Variants in NCOA3 observed in about 807,000 individuals in gnomAD.
NCOA3 encodes the protein nuclear receptor coactivator 3.
In NCOA3, 51 loss-of-function variants were observed where a neutral mutation model predicts 158.8. The observed-to-expected ratio is 0.32, with a 90% CI of 0.26 to 0.41. The LOEUF (loss-of-function observed/expected upper bound fraction) is 0.41. Ranked by LOEUF, NCOA3 falls within the 10% of genes least tolerant of loss-of-function variation. NCOA3 has a pLI of 1.00. For synonymous variants in NCOA3, 537 were observed against 592.4 expected (o/e 0.91, Z 1.36); for missense variants, 1,510 against 1,746.6 (o/e 0.86, Z 2.41).
At chr20:47,515,906 A>C (rs2146067946) in intron 1 of NCOA3, among the ~76,000 whole-genome samples, 1 of 152,322 alleles carries the variant, frequency 6.6e-6, no homozygotes, top group East Asian at 1.9e-4. Flanking sequence ...AGAAAACTTT[A>C]AGTTTTCACT....
chr20:47,521,451 T>A (rs1275064524), intron 1 of NCOA3, among the ~76,000 whole-genome samples: 1 of 152,176 alleles, frequency 6.6e-6, no homozygotes, highest in Non-Finnish European at 1.5e-5. Context: ...GAAGGGGTTC[T>A]TATTCCTGAC....
intron 2 of NCOA3, among the ~76,000 whole-genome samples, chr20:47,584,798 A>G (rs1466278630): frequency 2.6e-5 from 4 of 152,320 alleles, no homozygotes; most frequent in Admixed American, 2.6e-4. Flanking sequence ...TGCGTATAAC[A>G]GAACAAATGC....
intron 1 of NCOA3, among the ~76,000 whole-genome samples, chr20:47,564,821 A>G (rs2085166555): frequency 6.6e-6 from 1 of 151,572 alleles, no homozygotes; most frequent in Non-Finnish European, 1.5e-5. Context: ...TGAATTGCCT[A>G]CTCTGGTTCT....
At chr20:47,513,538 C>A (rs930199918) in intron 1 of NCOA3, among the ~76,000 whole-genome samples, 4 of 151,944 alleles carry the variant, frequency 2.6e-5, no homozygotes, top group Non-Finnish European at 4.4e-5. Flanking sequence ...CCAGCCTGGC[C>A]AACATGGCAA....
chr20:47,626,581 G>A (rs183234841), intron 5 of NCOA3, among the ~76,000 whole-genome samples: 14 of 149,524 alleles, frequency 9.4e-5, no homozygotes, highest in Non-Finnish European at 1.6e-4. Context: ...CAGTAATTAA[G>A]TCAGCAGTAG....
At chr20:47,596,731 G>A (rs1420720860) in intron 2 of NCOA3, among the ~76,000 whole-genome samples, 1 of 151,924 alleles carries the variant, frequency 6.6e-6, no homozygotes, top group Non-Finnish European at 1.5e-5. Flanking sequence ...GACTACAGGC[G>A]CTTGCCACCA....
chr20:47,518,441 CAG>C (rs2084270930), intron 1 of NCOA3, among the ~76,000 whole-genome samples: 2 of 115,182 alleles, frequency 1.7e-5, no homozygotes, highest in African/African-American at 3.4e-5. Context: ...TTTTTTGAGA[CAG>C]AGTTTCGCTC....
intron 2 of NCOA3, among the ~76,000 whole-genome samples, chr20:47,619,338 T>C (rs1345174644): frequency 2.0e-5 from 3 of 152,122 alleles, no homozygotes; most frequent in Non-Finnish European, 4.4e-5. Context: ...TGGAATAAAT[T>C]ACATATTTAA....
intron 2 of NCOA3, among the ~76,000 whole-genome samples, chr20:47,614,005 T>A (rs1415027439): frequency 1.3e-5 from 2 of 152,098 alleles, no homozygotes; most frequent in African/African-American, 4.8e-5. Flanking sequence ...GAAACAAAGG[T>A]AGGAGGAGAT....
intron 7 of NCOA3, 55 bp from the exon 8 acceptor site, chr20:47,627,867 C>T: frequency 6.3e-7 from 1 of 1,578,048 alleles, no homozygotes; most frequent in African/African-American, 1.3e-5. Context: ...GCCTATTGAA[C>T]ATATATATCC....
chr20:47,647,764 T>C (rs6018619), intron 18 of NCOA3, among the ~76,000 whole-genome samples: 23,680 of 152,004 alleles, frequency 0.16, 3,022 homozygotes, highest in African/African-American at 0.35. Context: ...AGTTGTCTTT[T>C]AATATTCTAA....
rs2086856975 is a variant in NCOA3, at chr20:47,655,484, AC to A, written c.*2069del. The stretch of plus-strand genomic sequence containing the variant: ...GTGAATCCTGATTATTTCCAGACCC[AC>A]CACCAGAGTGGATCTTATTTTCAAA... On this transcript the variant is annotated 3_prime_UTR_variant, in exon 23 of 23. Transcript: ENST00000371998. 1 of 152,514 alleles carries A rather than the reference AC, an allele frequency of 6.6e-6. No individual in the cohort carries two copies. Among genetic ancestry groups the A allele is most frequent in the Non-Finnish European group, 1.5e-5 (1 of 68,032 alleles). 9.4% of individuals were successfully genotyped at this position (152,514 alleles called of 1,614,324 possible).
At chr20:47,568,956 GTT>G (rs537955083) in intron 1 of NCOA3, among the ~76,000 whole-genome samples, 2 of 143,942 alleles carry the variant, frequency 1.4e-5, no homozygotes, top group East Asian at 2.0e-4. Context: ...AATTAAAACA[GTT>G]TTTTTTTTTT....
chr20:47,625,037 TGCTGGGATTACAGGTGTGAGCCACCGC>T (rs2086300439), intron 4 of NCOA3, among the ~76,000 whole-genome samples: 1 of 152,068 alleles, frequency 6.6e-6, no homozygotes, highest in African/African-American at 2.4e-5. Context: ...CCTCCCAGAG[TGCTGGGATTACAGGTGTGAGCCACCGC>T]GCTGGGCCTC....
At chr20:47,614,158 C>T (rs1241869022) in intron 2 of NCOA3, among the ~76,000 whole-genome samples, 1 of 152,020 alleles carries the variant, frequency 6.6e-6, no homozygotes, top group African/African-American at 2.4e-5. Flanking sequence ...TCTCTTGGAG[C>T]TCCTCTTATT....
At chr20:47,552,510 A>T (rs995897693) in intron 1 of NCOA3, among the ~76,000 whole-genome samples, 1 of 152,194 alleles carries the variant, frequency 6.6e-6, no homozygotes, top group South Asian at 2.1e-4. Context: ...GCCCTTGTCC[A>T]TATAAGAACA....
chr20:47,639,738 T>C lies in NCOA3; in HGVS notation c.2869T>C (p.Ser957Pro). ...TTTACCCAGACCTGCACTGGGTGGC[T>C]CTATTCCCACATTGCCTCTTCGGTC... Reference protein sequence around the residue: ...TSLPRPALGGSIPTLPLRSNS... With the variant: ...TSLPRPALGGPIPTLPLRSNS... The change falls in exon 15 of 23, where the codon TCT (serine) becomes CCT (proline). Residue 957 changes from serine to proline, a missense_variant. Physicochemically the swap from Ser to Pro is moderately conservative, Grantham distance 74. Around this residue, in one of 4 missense-constraint regions of NCOA3, gnomAD observed 1,017 missense variants for 1,098.3 expected, o/e 0.93. Coordinates refer to ENST00000371998, the MANE Select transcript of NCOA3 (RefSeq NM_181659.3). 6.2e-7 allele frequency: 1 copy of C among 1,614,216 alleles called. No homozygotes were observed. The highest frequency in any genetic ancestry group is 1.1e-5 in the South Asian group (1 of 91,086).
intron 13 of NCOA3, among the ~76,000 whole-genome samples, 193 bp downstream of exon 13, chr20:47,637,976 TAAATA>T (rs1023072069): frequency 2.6e-5 from 4 of 152,224 alleles, no homozygotes; most frequent in African/African-American, 4.8e-5. Flanking sequence ...TTTTAAAAAT[TAAATA>T]AATTTCCCAC....
chr20:47,566,924 GC>G (rs2085203609), intron 1 of NCOA3, among the ~76,000 whole-genome samples: 1 of 152,078 alleles, frequency 6.6e-6, no homozygotes, highest in Admixed American at 6.6e-5. Flanking sequence ...TTGGAAGCCA[GC>G]CTGGGCAACA....
Sources: gnomAD v4.1 joint callset for allele counts (sites outside exome capture counted in the v4.1 genomes callset) on GRCh38, gnomAD v4.1.1 for gene constraint, gnomAD v4.1.1 regional missense constraint, MANE v1.5 for transcripts, NCBI Gene and HGNC (gene_info 2026-07-23, HGNC 2026-07-21) for gene names.